Variants in ARHGAP10 observed in about 807,000 individuals in gnomAD.
ARHGAP10 encodes the protein Rho GTPase activating protein 10, also known as rho GTPase-activating protein 10.
A neutral mutation model predicts 108.6 loss-of-function variants in ARHGAP10; 87 were observed. The ratio of observed to expected loss-of-function variants is 0.80; its 90% CI spans 0.67 to 0.96. The LOEUF (loss-of-function observed/expected upper bound fraction) is 0.96. ARHGAP10 is among the 40% of genes least tolerant of loss of function. ARHGAP10 has a pLI of 0.00. For missense variants in ARHGAP10, 939 were observed against 954.5 expected (o/e 0.98, Z 0.21); for synonymous variants, 347 against 341.1 (o/e 1.02, Z -0.19).
rs569401380 is a variant in ARHGAP10, at chr4:147,918,309, G to C, written c.1228+5170G>C. On this transcript the variant is annotated intron_variant, in intron 13 of 22. Coordinates refer to ENST00000336498, the MANE Select transcript of ARHGAP10 (RefSeq NM_024605.4). ...CGCCACGAAGCCTGGCTAATTTTTT[G>C]TATTTTTAGTAGAGACAGGGTTTCA... Among the ~76,000 whole-genome samples the C allele has an allele frequency of 2.0e-5, 3 of 151,824 alleles. No individual in the cohort carries two copies. In the South Asian group the frequency reaches 6.2e-4, roughly 32 times the overall value.
At chr4:147,869,537 A>G (rs1307405822) in intron 7 of ARHGAP10, among the ~76,000 whole-genome samples, 3 of 152,120 alleles carry the variant, frequency 2.0e-5, no homozygotes, top group African/African-American at 4.8e-5. Context: ...ACAATTGACA[A>G]CAGTGATCAT....
chr4:148,006,879 T>C (rs1337025468), intron 18 of ARHGAP10, among the ~76,000 whole-genome samples: 1 of 152,200 alleles, frequency 6.6e-6, no homozygotes, highest in African/African-American at 2.4e-5. Context: ...CACCCTTTCC[T>C]TCCTCCCCAT....
chr4:147,875,308 A>G (rs1341024289), intron 8 of ARHGAP10, among the ~76,000 whole-genome samples, 158 bp downstream of exon 8: 1 of 152,154 alleles, frequency 6.6e-6, no homozygotes, highest in Non-Finnish European at 1.5e-5. Context: ...CATGTTTAGG[A>G]GAAACACATT....
chr4:147,896,108 A>AT (rs1174747016), intron 10 of ARHGAP10, among the ~76,000 whole-genome samples: 3 of 152,116 alleles, frequency 2.0e-5, no homozygotes, highest in African/African-American at 7.2e-5. Context: ...TGCTTCATCC[A>AT]TTTTGCTAGT....
intron 1 of ARHGAP10, among the ~76,000 whole-genome samples, chr4:147,797,360 T>G (rs768056706): frequency 1.1e-4 from 16 of 152,180 alleles, no homozygotes; most frequent in Non-Finnish European, 1.2e-4. Context: ...CATTTTACTG[T>G]GTGCATGTCT....
chr4:147,803,441 C>T (rs1215758983), intron 1 of ARHGAP10, among the ~76,000 whole-genome samples: 1 of 152,194 alleles, frequency 6.6e-6, no homozygotes, highest in Admixed American at 6.5e-5. Context: ...AAACATTTAT[C>T]ATGTGCTTTG....
At chr4:148,055,656 C>G (rs2149685588) in intron 20 of ARHGAP10, among the ~76,000 whole-genome samples, 1 of 152,312 alleles carries the variant, frequency 6.6e-6, no homozygotes, top group East Asian at 1.9e-4. Flanking sequence ...CCACTGCACT[C>G]CAGCCTGAGT....
intron 10 of ARHGAP10, among the ~76,000 whole-genome samples, chr4:147,898,426 C>T (rs1235184661): frequency 6.6e-6 from 1 of 151,648 alleles, no homozygotes; most frequent in Non-Finnish European, 1.5e-5. Flanking sequence ...TCTCTTGCTG[C>T]TTTCCTTATT....
chr4:147,844,164 CCTTT>C (rs1350108945), intron 3 of ARHGAP10, among the ~76,000 whole-genome samples: 1 of 151,782 alleles, frequency 6.6e-6, no homozygotes, highest in Non-Finnish European at 1.5e-5. Flanking sequence ...TAAATAGTGT[CCTTT>C]ATTTTTTATT....
intron 1 of ARHGAP10, among the ~76,000 whole-genome samples, chr4:147,798,959 C>CT (rs1731465893): frequency 6.6e-6 from 1 of 151,388 alleles, no homozygotes; most frequent in African/African-American, 2.4e-5. Context: ...AGATTTTTTT[C>CT]TTTGTCTTTA....
Position 147,979,244 on chromosome 4 carries a change from G to A in ARHGAP10, c.1716+12405G>A, listed in dbSNP as rs184329071. Among the ~76,000 whole-genome samples, 16 of 152,288 alleles carry A rather than the reference G, an allele frequency of 1.1e-4. 1 individual carries two copies. In the East Asian group the frequency reaches 2.9e-3, roughly 28 times the overall value. On this transcript the variant is annotated intron_variant, in intron 18 of 22. Transcript: ENST00000336498. ...AATTTATTGTATATGATGAGAGGTAGTAGTCTAGTTTCATTCTGCTGCATA... is the reference window on the plus strand; with the variant it reads ...AATTTATTGTATATGATGAGAGGTAATAGTCTAGTTTCATTCTGCTGCATA...
chr4:147,984,346 G>A (rs929876649), intron 18 of ARHGAP10, among the ~76,000 whole-genome samples: 4 of 152,204 alleles, frequency 2.6e-5, no homozygotes, highest in East Asian at 1.9e-4. Context: ...GCAGGAGGAC[G>A]CACTGCCAAG....
chr4:147,793,530 G>A (rs1579053342), intron 1 of ARHGAP10, among the ~76,000 whole-genome samples: 1 of 152,002 alleles, frequency 6.6e-6, no homozygotes, highest in African/African-American at 2.4e-5. Flanking sequence ...GGATCTCCCC[G>A]CATAGCTATT....
chr4:148,017,785 G>A (rs1255259285), intron 18 of ARHGAP10, among the ~76,000 whole-genome samples: 1 of 151,834 alleles, frequency 6.6e-6, no homozygotes, highest in Non-Finnish European at 1.5e-5. Flanking sequence ...ATCAAATGCA[G>A]CAGGTTTAAG....
At chr4:147,987,792 C>T (rs952120423) in intron 18 of ARHGAP10, among the ~76,000 whole-genome samples, 1 of 152,166 alleles carries the variant, frequency 6.6e-6, no homozygotes, top group Non-Finnish European at 1.5e-5. Flanking sequence ...GAGAATCTGG[C>T]AGCTCCTCAG....
At chr4:147,938,255 A>C (rs1406623838) in intron 13 of ARHGAP10, among the ~76,000 whole-genome samples, 1 of 152,148 alleles carries the variant, frequency 6.6e-6, no homozygotes, top group Non-Finnish European at 1.5e-5. Flanking sequence ...AAGAATAATT[A>C]ATGAGTACTA....
chr4:147,781,842 G>A (rs1250222672), intron 1 of ARHGAP10, among the ~76,000 whole-genome samples: 7 of 151,782 alleles, frequency 4.6e-5, no homozygotes, highest in South Asian at 2.1e-4. Context: ...ATCTTTACGC[G>A]TCAGTATTTC....
intron 13 of ARHGAP10, among the ~76,000 whole-genome samples, chr4:147,927,515 A>T (rs1169457785): frequency 6.6e-6 from 1 of 152,170 alleles, no homozygotes; most frequent in Non-Finnish European, 1.5e-5. Flanking sequence ...ACACTCTCTC[A>T]CACAGTCTCC....
chr4:147,778,132 C>T (rs186639673), intron 1 of ARHGAP10, among the ~76,000 whole-genome samples: 239 of 152,240 alleles, frequency 1.6e-3, no homozygotes, highest in Non-Finnish European at 2.8e-3. Context: ...GTCGGTTTAG[C>T]GCTGAGAGGA....
Sources: gnomAD v4.1 joint callset for allele counts (sites outside exome capture counted in the v4.1 genomes callset) on GRCh38, gnomAD v4.1.1 for gene constraint, MANE v1.5 for transcripts, NCBI Gene and HGNC (gene_info 2026-07-23, HGNC 2026-07-21) for gene names.